Variants in CCSER1 observed in about 807,000 individuals in gnomAD.
CCSER1 encodes serine-rich coiled-coil domain-containing protein 1.
CCSER1 carries 41 observed loss-of-function variants against 82.0 expected under a neutral mutation model. The ratio of observed to expected loss-of-function variants is 0.50; its 90% confidence interval spans 0.39 to 0.65. The LOEUF is 0.65. Ranked by LOEUF, CCSER1 falls within the 30% of genes least tolerant of loss-of-function variation. The probability of loss-of-function intolerance (pLI) is 0.00; values close to 1 mark genes in which losing one functional copy is unlikely to be tolerated. For synonymous variants in CCSER1, 414 were observed against 383.9 expected (o/e 1.08, Z -0.92); for missense variants, 1,119 against 1,064.2 (o/e 1.05, Z -0.72).
At chr4:91,316,792 A>G (rs1386834336) in intron 10 of CCSER1, among the ~76,000 whole-genome samples, 3 of 151,992 alleles carry the variant, frequency 2.0e-5, no homozygotes, top group Non-Finnish European at 2.9e-5. Context: ...AAAGCATTTC[A>G]AAGACTTCCT....
chr4:90,345,911 T>A (rs10035064), intron 3 of CCSER1, among the ~76,000 whole-genome samples: 99,725 of 151,856 alleles, frequency 0.66, 34,238 homozygotes, highest in African/African-American at 0.86. Context: ...AGAGAAAAAG[T>A]ATTTTATTTT....
intron 5 of CCSER1, among the ~76,000 whole-genome samples, chr4:90,556,675 ATATAT>A (rs1370324055): frequency 2.6e-5 from 4 of 151,976 alleles, no homozygotes; most frequent in African/African-American, 4.8e-5. Flanking sequence ...AGGAAGAGAA[ATATAT>A]TTATTCATTA....
intron 6 of CCSER1, chr4:90,641,834 C>T (rs1726582498): frequency 9.9e-6 from 2 of 201,400 alleles, no homozygotes; most frequent in East Asian, 1.2e-4. Flanking sequence ...ATAATGCCAC[C>T]TTCATTGTAC....
At chr4:90,858,778 A>G (rs1333595573) in intron 8 of CCSER1, among the ~76,000 whole-genome samples, 2 of 151,948 alleles carry the variant, frequency 1.3e-5, no homozygotes, top group African/African-American at 4.8e-5. Flanking sequence ...AGTACTCTAC[A>G]GAATTGATAA....
At chr4:90,415,873 C>T (rs1192146517) in intron 4 of CCSER1, among the ~76,000 whole-genome samples, 2 of 152,134 alleles carry the variant, frequency 1.3e-5, no homozygotes, top group South Asian at 2.1e-4. Context: ...TAGTGTTACC[C>T]ATTTGGAGTA....
At chr4:91,551,669 A>G (rs1762165673) in intron 10 of CCSER1, among the ~76,000 whole-genome samples, 1 of 132,486 alleles carries the variant, frequency 7.5e-6, no homozygotes, top group Admixed American at 7.3e-5. Flanking sequence ...ACACACACAC[A>G]CACACACACA....
chr4:90,915,481 C>T (rs901386988), intron 8 of CCSER1, among the ~76,000 whole-genome samples: 2 of 152,186 alleles, frequency 1.3e-5, no homozygotes, highest in Non-Finnish European at 2.9e-5. Context: ...ATGCTAACAA[C>T]TCTCAATAAG....
At chr4:91,528,721 T>C (rs1376385600) in intron 10 of CCSER1, among the ~76,000 whole-genome samples, 1 of 152,188 alleles carries the variant, frequency 6.6e-6, no homozygotes, top group Admixed American at 6.5e-5. Context: ...ACTCCATGCT[T>C]ATTGAATACT....
intron 1 of CCSER1, among the ~76,000 whole-genome samples, chr4:90,256,369 A>G (rs926707635): frequency 1.3e-4 from 20 of 152,138 alleles, no homozygotes; most frequent in Admixed American, 6.6e-4. Flanking sequence ...CATTTAATCT[A>G]TGGTAAAATT....
intron 3 of CCSER1, among the ~76,000 whole-genome samples, chr4:90,389,678 C>G (rs1265733169): frequency 2.0e-5 from 3 of 152,160 alleles, no homozygotes; most frequent in Non-Finnish European, 4.4e-5. Flanking sequence ...TTTCTCCAGA[C>G]TTTTCTAGCA....
At chr4:90,326,774 C>T (rs1738289328) in intron 3 of CCSER1, among the ~76,000 whole-genome samples, 1 of 152,014 alleles carries the variant, frequency 6.6e-6, no homozygotes, top group Admixed American at 6.6e-5. Flanking sequence ...CCTCTTGCTC[C>T]CCAGGCCCTT....
chr4:90,847,293 T>A (rs772087277), intron 8 of CCSER1, among the ~76,000 whole-genome samples: 11 of 152,184 alleles, frequency 7.2e-5, no homozygotes, highest in Non-Finnish European at 1.3e-4. Flanking sequence ...GATGTATGCA[T>A]GGGCTGTGTG....
chr4:91,228,787 C>T (rs1738403746), intron 10 of CCSER1, among the ~76,000 whole-genome samples: 1 of 152,044 alleles, frequency 6.6e-6, no homozygotes, highest in Non-Finnish European at 1.5e-5. Context: ...AAAATATAGT[C>T]TGTGTGTATC....
rs1189959253 is a variant in CCSER1 at position 90,770,341 on chromosome 4, C to T, written c.2011-45421C>T. ...AGCCATAGATAACTAATACAGCACTCAATAAATGTTTGCTACCAAATATTA... is the reference window on the plus strand; with the variant it reads ...AGCCATAGATAACTAATACAGCACTTAATAAATGTTTGCTACCAAATATTA... On this transcript the variant is annotated intron_variant, in intron 7 of 10. Transcript: ENST00000509176. Among the ~76,000 whole-genome samples the T allele has an allele frequency of 3.3e-5, 5 of 152,090 alleles. No homozygotes were observed. The East Asian group carries it at 7.7e-4, about 23-fold the overall frequency.
chr4:90,185,214 C>T (rs2153389929), intron 1 of CCSER1, among the ~76,000 whole-genome samples: 1 of 152,086 alleles, frequency 6.6e-6, no homozygotes, highest in Admixed American at 6.6e-5. Context: ...TTTTATTTCC[C>T]TGGACCTTTA....
intron 10 of CCSER1, among the ~76,000 whole-genome samples, chr4:91,143,623 C>G (rs987089995): frequency 6.6e-6 from 1 of 151,866 alleles, no homozygotes; most frequent in African/African-American, 2.4e-5. Context: ...ATAGATGGCT[C>G]TTATTATTTT....
At chr4:90,762,730 G>A (rs919299038) in intron 7 of CCSER1, among the ~76,000 whole-genome samples, 37 of 152,230 alleles carry the variant, frequency 2.4e-4, no homozygotes, top group African/African-American at 8.2e-4. Context: ...AAAAATACAT[G>A]TAGTGGGCTG....
chr4:91,042,422 G>T (rs1035254020), intron 9 of CCSER1, among the ~76,000 whole-genome samples: 2 of 152,070 alleles, frequency 1.3e-5, no homozygotes, highest in Non-Finnish European at 2.9e-5. Flanking sequence ...CCCAGTCTCG[G>T]GCGGTTCTTT....
At chr4:90,765,227 T>C (rs1469194353) in intron 7 of CCSER1, among the ~76,000 whole-genome samples, 1 of 152,282 alleles carries the variant, frequency 6.6e-6, no homozygotes, top group Non-Finnish European at 1.5e-5. Context: ...TACAAGGCCT[T>C]TGGGAAACCT....
Sources: allele counts gnomAD v4.1 joint callset (sites outside exome capture counted in the v4.1 genomes callset), GRCh38; gene constraint gnomAD v4.1.1; transcripts MANE v1.5; gene names NCBI Gene and HGNC (gene_info 2026-07-23, HGNC 2026-07-21).